The following ARID4A variants were observed in gnomAD, a reference collection of about 807,000 sequenced individuals.
ARID4A encodes the protein AT-rich interactive domain-containing protein 4A.
A neutral mutation model predicts 148.6 loss-of-function variants in ARID4A; 39 were observed. That is an observed-to-expected ratio of 0.26 (90% CI 0.20 to 0.34). ARID4A has a LOEUF of 0.34. Ranked by LOEUF, ARID4A falls within the 10% of genes least tolerant of loss-of-function variation. ARID4A has a pLI of 1.00. For synonymous variants in ARID4A, 475 were observed against 481.2 expected, an observed-to-expected ratio of 0.99 and a Z score of 0.17; for missense variants, 1,265 against 1,449.1, an observed-to-expected ratio of 0.87 and a Z score of 2.06.
At chr14:58,323,702 G>T (rs1232269158) in intron 8 of ARID4A, 85 bp downstream of exon 8, 2 of 1,308,658 alleles carry the variant, frequency 1.5e-6, no homozygotes, top group Non-Finnish European at 2.1e-6. Flanking sequence ...AAAATATTTT[G>T]AAAGTATTAA....
At chr14:58,315,742 T>A (rs1462475140) in intron 5 of ARID4A, among the ~76,000 whole-genome samples, 2 of 152,234 alleles carry the variant, frequency 1.3e-5, no homozygotes, top group East Asian at 3.8e-4. Context: ...ATCATAGTTT[T>A]TATATCAAAT....
intron 8 of ARID4A, among the ~76,000 whole-genome samples, chr14:58,323,900 T>C: frequency 8.1e-6 from 1 of 123,982 alleles, no homozygotes; most frequent in Non-Finnish European, 1.8e-5. Context: ...GGTTCCCTTT[T>C]TTTTTTTTTT....
intron 8 of ARID4A, among the ~76,000 whole-genome samples, chr14:58,324,383 C>T (rs1010355151): frequency 1.3e-5 from 2 of 152,186 alleles, no homozygotes; most frequent in Admixed American, 1.3e-4. Context: ...TCAGGCGTTC[C>T]TCCTGTTTCA....
At chr14:58,357,647 G>A (rs1190655393) in intron 17 of ARID4A, among the ~76,000 whole-genome samples, 5 of 135,444 alleles carry the variant, frequency 3.7e-5, no homozygotes, top group South Asian at 2.3e-4. Context: ...ATCAGCTATC[G>A]TTAGTGTTAT....
At chr14:58,360,187 A>G (rs2035074690) in intron 18 of ARID4A, among the ~76,000 whole-genome samples, 1 of 152,196 alleles carries the variant, frequency 6.6e-6, no homozygotes, top group Non-Finnish European at 1.5e-5. Context: ...AGCAACCCCT[A>G]GGGCATGACT....
rs190538520 is a variant in ARID4A, at chr14:58,312,535, A to T, written c.275-6007A>T. ...CCGGTGAAATAAATAATTTTTTTTTAAAAAAACTACTGGCCTTACCTAGGG... is the reference window on the plus strand; with the variant it reads ...CCGGTGAAATAAATAATTTTTTTTTTAAAAAACTACTGGCCTTACCTAGGG... On this transcript the variant is annotated intron_variant, in intron 5 of 23. Transcript: ENST00000355431. Among the ~76,000 whole-genome samples, 25 of 152,084 alleles carry T rather than the reference A, an allele frequency of 1.6e-4. No individual in the cohort carries two copies. In the East Asian group the frequency reaches 2.3e-3, roughly 14 times the overall value.
At chr14:58,302,087 G>C (rs1412286655) in intron 3 of ARID4A, among the ~76,000 whole-genome samples, 1 of 152,146 alleles carries the variant, frequency 6.6e-6, no homozygotes, top group South Asian at 2.1e-4. Context: ...ACTGGGCGTA[G>C]TGTCTCATGC....
rs967449987 is a variant in ARID4A, at chr14:58,342,552, C to T, written c.907-2143C>T. Among the ~76,000 whole-genome samples, 35 of 152,014 alleles carry T rather than the reference C, an allele frequency of 2.3e-4. 1 individual carries two copies. Among genetic ancestry groups the T allele is most frequent in the Non-Finnish European group, 1.5e-5 (1 of 67,998 alleles). ...TGGGGAGCAACTTTGATTTTAGTGC[C>T]TTTTTAAAGAATTGCTTTTACATAT... On this transcript the variant is annotated intron_variant, in intron 11 of 23. Transcript: ENST00000355431.
chr14:58,314,907 C>T (rs889593105), intron 5 of ARID4A, among the ~76,000 whole-genome samples: 27 of 152,242 alleles, frequency 1.8e-4, no homozygotes, highest in African/African-American at 6.0e-4. Flanking sequence ...ACACTTGAGG[C>T]CAGGAGTTTG....
intron 19 of ARID4A, among the ~76,000 whole-genome samples, chr14:58,363,396 T>C (rs553835201): frequency 2.0e-3 from 310 of 152,282 alleles, no homozygotes; most frequent in Admixed American, 4.6e-3. Flanking sequence ...GGATTCCAAT[T>C]GCCCATTTTA....
Position 58,359,107 on chromosome 14 carries a change from CTTTTTTTTT to C in ARID4A, c.1854-12_1854-4del, listed in dbSNP as rs752553814. On this transcript the variant is annotated splice_polypyrimidine_tract_variant and intron_variant, in intron 17 of 23. Coordinates refer to ENST00000355431, the MANE Select transcript of ARID4A (RefSeq NM_002892.4). ...ATAATGTATAAAGTTTGTACAAACT[CTTTTTTTTT>C]TTTTTTTTTTTTAAGGTATGATGAG... 1.5e-6 allele frequency: 2 copies of C among 1,298,868 alleles called. No homozygotes were observed. Among genetic ancestry groups the C allele is most frequent in the South Asian group, 3.1e-5 (2 of 64,938 alleles). 80.5% of individuals were successfully genotyped at this position (1,298,868 alleles called of 1,614,324 possible).
At chr14:58,313,979 G>T (rs1182189889) in intron 5 of ARID4A, among the ~76,000 whole-genome samples, 1 of 152,216 alleles carries the variant, frequency 6.6e-6, no homozygotes, top group Non-Finnish European at 1.5e-5. Flanking sequence ...ACACCCAGAA[G>T]TAATTGCTTT....
chr14:58,313,697 G>A (rs1250018486), intron 5 of ARID4A, among the ~76,000 whole-genome samples: 1 of 152,226 alleles, frequency 6.6e-6, no homozygotes, highest in Non-Finnish European at 1.5e-5. Context: ...AACCAGGGAA[G>A]CTGAGGATAT....
intron 5 of ARID4A, among the ~76,000 whole-genome samples, chr14:58,312,255 T>G (rs1441501713): frequency 6.6e-6 from 1 of 151,768 alleles, no homozygotes; most frequent in Non-Finnish European, 1.5e-5. Flanking sequence ...CTCGCTTTGT[T>G]GCCCAGGCTG....
At chr14:58,311,627 T>A (rs1376768462) in intron 5 of ARID4A, among the ~76,000 whole-genome samples, 1 of 152,210 alleles carries the variant, frequency 6.6e-6, no homozygotes. Context: ...CAGAGATGTA[T>A]CTGTATTCCC....
At chr14:58,330,293 C>A in intron 11 of ARID4A, 124 bp downstream of exon 11, 1 of 1,366,564 alleles carries the variant, frequency 7.3e-7, no homozygotes, top group Non-Finnish European at 9.7e-7. Context: ...TCTAGCATTG[C>A]TTAATTTGGG....
intron 11 of ARID4A, among the ~76,000 whole-genome samples, chr14:58,341,463 A>G (rs1667092123): frequency 6.6e-6 from 1 of 152,198 alleles, no homozygotes; most frequent in South Asian, 2.1e-4. Flanking sequence ...ATCTCGAGGA[A>G]AACCATTCAT....
At chr14:58,339,096 C>G (rs2033979349) in intron 11 of ARID4A, among the ~76,000 whole-genome samples, 1 of 150,936 alleles carries the variant, frequency 6.6e-6, no homozygotes, top group Non-Finnish European at 1.5e-5. Context: ...TCCTGAGTAG[C>G]TGGGACTAGG....
Position 58,373,380 on chromosome 14 carries a change from C to T in ARID4A, c.*1391C>T, listed in dbSNP as rs1360118778. 5.4e-6 allele frequency: 1 copy of T among 184,038 alleles called. No homozygotes were observed. Among genetic ancestry groups the T allele is most frequent in the East Asian group, 8.8e-5 (1 of 11,306 alleles). The allele number at this position is 184,038 out of a possible 1,614,324, so 11.4% of individuals were successfully genotyped here. ...ATTTTATAAAAGCAGTTTTTAAATT[C>T]ATGTTTGTACATTGAAAGGGGTTTT... On this transcript the variant is annotated 3_prime_UTR_variant, in exon 24 of 24. Coordinates refer to ENST00000355431, the MANE Select transcript of ARID4A (RefSeq NM_002892.4).
Sources: allele counts gnomAD v4.1 joint callset (sites outside exome capture counted in the v4.1 genomes callset), GRCh38; gene constraint gnomAD v4.1.1; transcripts MANE v1.5; gene names NCBI Gene and HGNC (gene_info 2026-07-23, HGNC 2026-07-21).